The following ADAM12 variants were observed in gnomAD, a reference collection of about 807,000 sequenced individuals.
ADAM12 encodes ADAM metallopeptidase domain 12.
Under a neutral mutation model 106.4 loss-of-function variants are expected in ADAM12, and 70 were observed. The ratio of observed to expected loss-of-function variants is 0.66; its 90% CI spans 0.54 to 0.80. The LOEUF (loss-of-function observed/expected upper bound fraction) is 0.80, where lower values mean the gene tolerates loss of function less well. Among genes scored for constraint, ADAM12 ranks in the 30% least tolerant of loss-of-function variants. The probability of loss-of-function intolerance (pLI) is 0.00; values close to 1 mark genes in which losing one functional copy is unlikely to be tolerated. For synonymous variants in ADAM12, 420 were observed against 433.5 expected (o/e 0.97, Z 0.39); for missense variants, 1,010 against 1,171.9 (o/e 0.86, Z 2.02).
chr10:126,357,006 C>T (rs1440032735), intron 1 of ADAM12, among the ~76,000 whole-genome samples: 1 of 151,998 alleles, frequency 6.6e-6, no homozygotes, highest in Non-Finnish European at 1.5e-5. Context: ...ATACAAATTT[C>T]AGAAGAAGAA....
intron 4 of ADAM12, among the ~76,000 whole-genome samples, chr10:126,140,597 C>CTT (rs1485550078): frequency 6.6e-6 from 1 of 152,208 alleles, no homozygotes; most frequent in East Asian, 1.9e-4. Context: ...AGACAGTTGA[C>CTT]TAACAAGTCC....
chr10:126,332,070 C>A (rs959601347), intron 1 of ADAM12, among the ~76,000 whole-genome samples: 2 of 152,182 alleles, frequency 1.3e-5, no homozygotes, highest in African/African-American at 4.8e-5. Context: ...GGAAGACGCA[C>A]CCTGCAGCAG....
intron 2 of ADAM12, among the ~76,000 whole-genome samples, chr10:126,318,368 A>C (rs1044151724): frequency 1.3e-5 from 2 of 151,808 alleles, no homozygotes; most frequent in Non-Finnish European, 2.9e-5. Context: ...TCTCACTCGC[A>C]TACATCCACA....
chr10:126,052,063 A>G (rs2133446834), intron 14 of ADAM12, among the ~76,000 whole-genome samples: 1 of 152,348 alleles, frequency 6.6e-6, no homozygotes, highest in Non-Finnish European at 1.5e-5. Flanking sequence ...TCAGATTCAC[A>G]TAGGTAACGA....
At chr10:126,088,730 G>A (rs866703773) in intron 11 of ADAM12, among the ~76,000 whole-genome samples, 7 of 75,910 alleles carry the variant, frequency 9.2e-5, no homozygotes, top group East Asian at 9.1e-4. Flanking sequence ...AAAACAAAAA[G>A]AGAGAGAGAA....
At chr10:126,236,804 A>C (rs967810487) in intron 3 of ADAM12, among the ~76,000 whole-genome samples, 8 of 152,168 alleles carry the variant, frequency 5.3e-5, no homozygotes, top group Non-Finnish European at 1.2e-4. Flanking sequence ...TGAAGGAACC[A>C]ACAGATCTCT....
At chr10:126,022,652 T>A (rs1159367827) in intron 21 of ADAM12, among the ~76,000 whole-genome samples, 1 of 152,220 alleles carries the variant, frequency 6.6e-6, no homozygotes, top group Non-Finnish European at 1.5e-5. Flanking sequence ...TTGCAAAACC[T>A]AAACCTGAAC....
intron 8 of ADAM12, among the ~76,000 whole-genome samples, chr10:126,105,966 T>A (rs996264403): frequency 6.6e-6 from 1 of 152,224 alleles, no homozygotes; most frequent in African/African-American, 2.4e-5. Flanking sequence ...TTTTCTGACT[T>A]CCAGAAAGTT....
intron 8 of ADAM12, among the ~76,000 whole-genome samples, chr10:126,106,418 C>T (rs1955768776): frequency 6.6e-6 from 1 of 151,880 alleles, no homozygotes; most frequent in Admixed American, 6.6e-5. Context: ...AATCCTTGTC[C>T]TTCTCACTTC....
intron 1 of ADAM12, among the ~76,000 whole-genome samples, chr10:126,351,154 A>C (rs1309393298): frequency 2.0e-5 from 3 of 152,164 alleles, no homozygotes; most frequent in Non-Finnish European, 4.4e-5. Context: ...CCACCTGTTC[A>C]GCCCAAAGCT....
chr10:126,143,379 C>A (rs111210243), intron 4 of ADAM12, among the ~76,000 whole-genome samples: 1 of 112,938 alleles, frequency 8.9e-6, no homozygotes, highest in African/African-American at 3.2e-5. Context: ...ATATGCTGTG[C>A]GTGTGTGTAT....
At chr10:126,091,179 A>G (rs1437737232) in intron 11 of ADAM12, among the ~76,000 whole-genome samples, 1 of 152,236 alleles carries the variant, frequency 6.6e-6, no homozygotes, top group Non-Finnish European at 1.5e-5. Context: ...ATAGTTCCAA[A>G]ACCCCTGTAA....
In ADAM12 at chr10:126,177,142, T is replaced by C. The variant is rs144103201; in HGVS notation, c.261-21837A>G. Among the ~76,000 whole-genome samples the C allele has an allele frequency of 5.9e-4, 90 of 151,962 alleles. 1 individual carries two copies. The highest frequency in any genetic ancestry group is 2.1e-3 in the African/African-American group (89 of 41,418). ...ATGGCTGCAGGTGTGCTATAGGAAATGCTTATTAGAGCCTTTTATGAAAGG... is the reference window on the plus strand; with the variant it reads ...ATGGCTGCAGGTGTGCTATAGGAAACGCTTATTAGAGCCTTTTATGAAAGG... On this transcript the variant is annotated intron_variant, in intron 3 of 22. Coordinates refer to ENST00000448723, the MANE Select transcript of ADAM12 (RefSeq NM_001288973.2).
chr10:126,201,274 T>C (rs573735575), intron 3 of ADAM12, among the ~76,000 whole-genome samples: 3 of 152,272 alleles, frequency 2.0e-5, no homozygotes, highest in Admixed American at 6.5e-5. Context: ...GTTGAGGTCA[T>C]ACTGGAGTAG....
chr10:126,165,478 G>T lies in ADAM12; in HGVS notation c.261-10173C>A, dbSNP rs191070458. Among the ~76,000 whole-genome samples, 494 of 152,302 alleles carry T rather than the reference G, an allele frequency of 3.2e-3. 4 individuals are homozygous for T. The highest frequency in any genetic ancestry group is 0.011 in the African/African-American group (451 of 41,564). ...AGCCGGGGGCATTCGCTTTTGATACGCACTTCCTTACTTTATCTTGAAAGA... is the reference window on the plus strand; with the variant it reads ...AGCCGGGGGCATTCGCTTTTGATACTCACTTCCTTACTTTATCTTGAAAGA... On this transcript the variant is annotated intron_variant, in intron 3 of 22. Transcript: ENST00000448723.
At chr10:126,308,754 T>C (rs1960954805) in intron 2 of ADAM12, among the ~76,000 whole-genome samples, 1 of 152,194 alleles carries the variant, frequency 6.6e-6, no homozygotes, top group South Asian at 2.1e-4. Flanking sequence ...AGAAGAAAAC[T>C]GAACATCTCA....
chr10:126,254,382 C>T (rs1302197559), intron 3 of ADAM12, among the ~76,000 whole-genome samples: 1 of 152,196 alleles, frequency 6.6e-6, no homozygotes, highest in Non-Finnish European at 1.5e-5. Context: ...GTCATGTGCT[C>T]CCTCTGTGTC....
At chr10:126,367,161 T>C (rs925909515) in intron 1 of ADAM12, among the ~76,000 whole-genome samples, 4 of 151,844 alleles carry the variant, frequency 2.6e-5, no homozygotes, top group African/African-American at 7.2e-5. Flanking sequence ...ATAAAGACTA[T>C]AAGCTGGAGT....
At chr10:126,331,985 AGT>A (rs1220527649) in intron 1 of ADAM12, among the ~76,000 whole-genome samples, 1 of 152,114 alleles carries the variant, frequency 6.6e-6, no homozygotes, top group African/African-American at 2.4e-5. Context: ...ATCTTGAGTA[AGT>A]GTGTCTCCCT....
Sources: allele counts gnomAD v4.1 joint callset (sites outside exome capture counted in the v4.1 genomes callset), GRCh38; gene constraint gnomAD v4.1.1; transcripts MANE v1.5; gene names NCBI Gene and HGNC (gene_info 2026-07-23, HGNC 2026-07-21).